Variants in NLGN4Y observed in about 807,000 individuals in gnomAD.
The protein encoded by NLGN4Y is neuroligin 4 Y-linked.
NLGN4Y carries 4 observed loss-of-function variants against 8.4 expected under a neutral mutation model. That is an observed-to-expected ratio of 0.48 (90% CI 0.23 to 1.09). The LOEUF is 1.09. Ranked by LOEUF, NLGN4Y falls within the 50% of genes least tolerant of loss-of-function variation. The pLI, the probability that NLGN4Y is intolerant of heterozygous loss-of-function variation, is 0.19. For synonymous variants in NLGN4Y, 35 were observed against 75.6 expected (o/e 0.46, Z 2.78); for missense variants, 90 against 192.3 (o/e 0.47, Z 3.15).
At chrY:14,757,229 A>G (rs2081063963) in intron 4 of NLGN4Y, among the ~76,000 whole-genome samples, 1 of 31,899 alleles carries the variant, frequency 3.1e-5, no homozygotes, top group Non-Finnish European at 7.6e-5. Context: ...TAATTTTCCT[A>G]TAACCTACTT....
At chrY:14,832,391 G>C in intron 6 of NLGN4Y, among the ~76,000 whole-genome samples, 1 of 34,601 alleles carries the variant, frequency 2.9e-5, no homozygotes, top group South Asian at 6.3e-4. Flanking sequence ...ACAGTTGTTG[G>C]AGATGCTCGT....
At chrY:14,824,108 G>T in intron 4 of NLGN4Y, 80 bp from the exon 5 acceptor site, 2 of 304,704 alleles carry the variant, frequency 6.6e-6, no homozygotes, top group Non-Finnish European at 4.9e-6. Flanking sequence ...AAGAAGGCAA[G>T]CTATGAGATA....
chrY:14,805,488 G>A, intron 4 of NLGN4Y, among the ~76,000 whole-genome samples: 1 of 33,513 alleles, frequency 3.0e-5, no homozygotes, highest in South Asian at 6.7e-4. Context: ...ACAATTGTAC[G>A]CTGCAGAAGG....
intron 4 of NLGN4Y, among the ~76,000 whole-genome samples, chrY:14,779,264 G>T (rs2081138577): frequency 6.1e-5 from 2 of 32,825 alleles, no homozygotes; most frequent in African/African-American, 2.4e-4. Context: ...AAAGATTTTG[G>T]ATAGCGACTG....
chrY:14,578,578 A>AT (rs2150484766), intron 1 of NLGN4Y, among the ~76,000 whole-genome samples: 2 of 33,608 alleles, frequency 6.0e-5, no homozygotes, highest in East Asian at 1.6e-3. Flanking sequence ...AAGCAGGTTC[A>AT]TCTTATGTGG....
At chrY:14,669,957 CT>C (rs2080704895) in intron 2 of NLGN4Y, among the ~76,000 whole-genome samples, 1 of 34,350 alleles carries the variant, frequency 2.9e-5, no homozygotes, top group Non-Finnish European at 7.3e-5. Context: ...CGATGAAGAG[CT>C]TTGCATTTTC....
At chrY:14,702,219 A>T (rs1202411411) in intron 2 of NLGN4Y, among the ~76,000 whole-genome samples, 27 of 32,207 alleles carry the variant, frequency 8.4e-4, no homozygotes, top group Non-Finnish European at 1.9e-3. Context: ...CGTGCAGGTT[A>T]GTTACATATG....
intron 1 of NLGN4Y, among the ~76,000 whole-genome samples, chrY:14,587,246 T>C: frequency 2.9e-5 from 1 of 34,227 alleles, no homozygotes; most frequent in Admixed American, 2.7e-4. Context: ...GTTTATTTTG[T>C]TTGCTAAATT....
At chrY:14,543,621 A>G (rs2080158499) in intron 1 of NLGN4Y, among the ~76,000 whole-genome samples, 1 of 33,458 alleles carries the variant, frequency 3.0e-5, no homozygotes. Flanking sequence ...TCTCAGTTTC[A>G]TCTACTTTTA....
intron 4 of NLGN4Y, among the ~76,000 whole-genome samples, chrY:14,797,792 A>T (rs949361914): frequency 2.7e-4 from 9 of 33,801 alleles, no homozygotes. Flanking sequence ...ACTGAATGCC[A>T]TTTAAGTAGA....
At chrY:14,570,904 A>G in intron 1 of NLGN4Y, among the ~76,000 whole-genome samples, 1 of 31,913 alleles carries the variant, frequency 3.1e-5, no homozygotes, top group Non-Finnish European at 7.6e-5. Context: ...AGCTTCATCC[A>G]TGTCTCTACA....
intron 1 of NLGN4Y, among the ~76,000 whole-genome samples, chrY:14,610,945 T>C: frequency 3.0e-5 from 1 of 33,154 alleles, no homozygotes; most frequent in Non-Finnish European, 7.5e-5. Context: ...GCTCTTCTTG[T>C]TGCATTGATC....
At chrY:14,838,392 C>T in intron 6 of NLGN4Y, among the ~76,000 whole-genome samples, 5 of 32,916 alleles carry the variant, frequency 1.5e-4, no homozygotes, top group Admixed American at 8.4e-4. Flanking sequence ...TTCTCTATTA[C>T]ATTATACATC....
chrY:14,674,134 A>G (rs748635414), intron 2 of NLGN4Y, among the ~76,000 whole-genome samples: 11 of 30,449 alleles, frequency 3.6e-4, no homozygotes, highest in African/African-American at 1.4e-3. Context: ...ATGAATACAT[A>G]TGTAACTAAC....
chrY:14,587,540 A>G, intron 1 of NLGN4Y, among the ~76,000 whole-genome samples: 1 of 33,222 alleles, frequency 3.0e-5, no homozygotes, highest in Non-Finnish European at 7.4e-5. Context: ...TAACCTTGCA[A>G]GTTTTCTACC....
chrY:14,779,985 C>T (rs936346845), intron 4 of NLGN4Y, among the ~76,000 whole-genome samples: 4 of 33,272 alleles, frequency 1.2e-4, no homozygotes, highest in Non-Finnish European at 3.0e-4. Flanking sequence ...TTTCATTTAT[C>T]CCATTTGGAA....
intron 1 of NLGN4Y, among the ~76,000 whole-genome samples, chrY:14,576,703 C>G: frequency 3.0e-5 from 1 of 33,344 alleles, no homozygotes; most frequent in Admixed American, 2.7e-4. Context: ...TGTTCCTATT[C>G]GGCCATCTTG....
chrY:14,651,841 G>A, intron 2 of NLGN4Y, among the ~76,000 whole-genome samples: 1 of 33,005 alleles, frequency 3.0e-5, no homozygotes, highest in Non-Finnish European at 7.5e-5. Context: ...TGAATTTCTT[G>A]TAATTACCAT....
chrY:14,580,325 A>G, intron 1 of NLGN4Y, among the ~76,000 whole-genome samples: 1 of 25,840 alleles, frequency 3.9e-5, no homozygotes, highest in African/African-American at 1.5e-4. Context: ...CTACTTACAT[A>G]TTATGGTAGA....
Sources: gnomAD v4.1 joint callset for allele counts (sites outside exome capture counted in the v4.1 genomes callset) on GRCh38, gnomAD v4.1.1 for gene constraint, MANE v1.5 for transcripts, NCBI Gene and HGNC (gene_info 2026-07-23, HGNC 2026-07-21) for gene names.